CSMD1: variants seen among roughly 807,000 people sequenced by gnomAD.
CSMD1 encodes the protein CUB and Sushi multiple domains 1.
In CSMD1, 213 loss-of-function variants were observed where a neutral mutation model predicts 417.5. The ratio of observed to expected loss-of-function variants is 0.51; its 90% CI spans 0.46 to 0.57. CSMD1 has a LOEUF of 0.57. CSMD1 is among the 20% of genes least tolerant of loss of function. The pLI is 0.00. For missense variants in CSMD1, 6,923 were observed against 4,529.7 expected (o/e 1.53, Z -15.17); for synonymous variants, 2,862 against 1,736.8 (o/e 1.65, Z -16.11).
At chr8:4,518,299 G>C (rs1383770707) in intron 2 of CSMD1, among the ~76,000 whole-genome samples, 2 of 151,986 alleles carry the variant, frequency 1.3e-5, no homozygotes, top group African/African-American at 4.8e-5. Context: ...AGCAGAGTGA[G>C]GTAAAAGCGC....
At chr8:3,128,804 T>G (rs1189276930) in intron 41 of CSMD1, 11 of 382,986 alleles carry the variant, frequency 2.9e-5, no homozygotes, top group Admixed American at 9.8e-5. Context: ...CGAGTTTTTG[T>G]TTTTTTTTTA....
intron 5 of CSMD1, among the ~76,000 whole-genome samples, chr8:3,912,104 C>T (rs967439310): frequency 7.2e-5 from 11 of 152,252 alleles, no homozygotes; most frequent in African/African-American, 2.4e-4. Flanking sequence ...AATATAACAG[C>T]TTGTCCAATT....
At chr8:4,098,405 ATTTTT>A (rs34000388) in intron 3 of CSMD1, among the ~76,000 whole-genome samples, 31 of 151,756 alleles carry the variant, frequency 2.0e-4, no homozygotes, top group Non-Finnish European at 4.1e-4. Context: ...TGGATTTGTC[ATTTTT>A]TTCAGGGTCA....
intron 20 of CSMD1, among the ~76,000 whole-genome samples, chr8:3,364,579 G>T (rs1371343592): frequency 6.6e-6 from 1 of 152,154 alleles, no homozygotes; most frequent in African/African-American, 2.4e-5. Context: ...CCATGTGCTG[G>T]AAATTTGATC....
chr8:3,064,061 T>C (rs1323582666), intron 49 of CSMD1, among the ~76,000 whole-genome samples: 1 of 152,206 alleles, frequency 6.6e-6, no homozygotes, highest in Admixed American at 6.5e-5. Context: ...ACTTTTCAAT[T>C]TTCATTCTCT....
At chr8:4,167,115 A>G (rs1465766884) in intron 3 of CSMD1, among the ~76,000 whole-genome samples, 1 of 152,222 alleles carries the variant, frequency 6.6e-6, no homozygotes, top group Non-Finnish European at 1.5e-5. Flanking sequence ...AACTTCCCAT[A>G]TAAACCCAAG....
intron 26 of CSMD1, among the ~76,000 whole-genome samples, chr8:3,232,177 A>G (rs561892616): frequency 3.3e-5 from 5 of 152,234 alleles, no homozygotes; most frequent in African/African-American, 1.2e-4. Flanking sequence ...TCTGAATTTT[A>G]TGTTTATCAT....
intron 3 of CSMD1, among the ~76,000 whole-genome samples, chr8:4,300,290 C>T (rs1417497853): frequency 1.3e-5 from 2 of 152,142 alleles, no homozygotes; most frequent in Non-Finnish European, 1.5e-5. Flanking sequence ...CACTTGGGCA[C>T]AGATGGGGAA....
chr8:3,846,974 C>T (rs114370358), intron 5 of CSMD1, among the ~76,000 whole-genome samples: 11 of 152,052 alleles, frequency 7.2e-5, no homozygotes, highest in Non-Finnish European at 1.2e-4. Context: ...TGCGCCTGGC[C>T]CCAGGATTTA....
At chr8:3,526,006 G>C (rs576230387) in intron 10 of CSMD1, among the ~76,000 whole-genome samples, 8 of 151,994 alleles carry the variant, frequency 5.3e-5, no homozygotes, top group Non-Finnish European at 1.2e-4. Context: ...AGCAAACATG[G>C]GATGGAGCTT....
chr8:3,835,422 C>A (rs1273727266), intron 5 of CSMD1, among the ~76,000 whole-genome samples: 1 of 151,946 alleles, frequency 6.6e-6, no homozygotes, highest in Non-Finnish European at 1.5e-5. Flanking sequence ...TTTGTAGGGA[C>A]ATGGATGAAA....
chr8:3,128,593 T>G, intron 41 of CSMD1: 2 of 308,526 alleles, frequency 6.5e-6, no homozygotes, highest in South Asian at 5.7e-5. Flanking sequence ...CATATCAGAG[T>G]TAAGTGTCAT....
chr8:3,414,993 C>T (rs956633073), intron 12 of CSMD1, among the ~76,000 whole-genome samples: 1 of 152,186 alleles, frequency 6.6e-6, no homozygotes, highest in Non-Finnish European at 1.5e-5. Flanking sequence ...CTGGCAGGGT[C>T]TATCTTGGTG....
chr8:3,090,252 G>T (rs1010832022), intron 48 of CSMD1, among the ~76,000 whole-genome samples: 1 of 142,834 alleles, frequency 7.0e-6, no homozygotes, highest in South Asian at 2.2e-4. Flanking sequence ...GGGAGGCGGA[G>T]CTTGCAGTGA....
intron 18 of CSMD1, among the ~76,000 whole-genome samples, chr8:3,371,510 C>T (rs1178553625): frequency 4.0e-5 from 6 of 150,926 alleles, no homozygotes; most frequent in Admixed American, 6.6e-5. Flanking sequence ...ACATTCTGTG[C>T]ATGTATATAT....
chr8:3,865,292 T>A (rs933457702), intron 5 of CSMD1, among the ~76,000 whole-genome samples: 6 of 152,154 alleles, frequency 3.9e-5, no homozygotes, highest in Non-Finnish European at 7.3e-5. Context: ...CAGAGAGCGG[T>A]ACTTCAATGT....
At chr8:3,835,071 G>C (rs1048515155) in intron 5 of CSMD1, among the ~76,000 whole-genome samples, 2 of 151,286 alleles carry the variant, frequency 1.3e-5, no homozygotes, top group Non-Finnish European at 2.9e-5. Context: ...GGAAACAACA[G>C]GTGCTGGAGA....
At chr8:3,989,542 T>C (rs746044905) in intron 5 of CSMD1, among the ~76,000 whole-genome samples, 11 of 152,174 alleles carry the variant, frequency 7.2e-5, no homozygotes, top group Non-Finnish European at 1.5e-4. Flanking sequence ...CATGATCTAT[T>C]TATGATGCAG....
chr8:4,935,083 G>A (rs187483782), intron 1 of CSMD1, among the ~76,000 whole-genome samples: 4 of 152,222 alleles, frequency 2.6e-5, no homozygotes, highest in African/African-American at 4.8e-5. Flanking sequence ...TATCACAACA[G>A]GCCCCATGAT....
Sources: gnomAD v4.1 joint callset for allele counts (sites outside exome capture counted in the v4.1 genomes callset) on GRCh38, gnomAD v4.1.1 for gene constraint, MANE v1.5 for transcripts, NCBI Gene and HGNC (gene_info 2026-07-23, HGNC 2026-07-21) for gene names.